ZNF737: variants seen among roughly 807,000 people sequenced by gnomAD.
The protein encoded by ZNF737 is zinc finger protein 102 (Y3).
ZNF737 carries 13 observed loss-of-function variants against 11.7 expected under a neutral mutation model. That is an observed-to-expected ratio of 1.11 (90% CI 0.73 to 1.77). The LOEUF is 1.77. ZNF737 is among the 40% of genes most tolerant of loss of function. The pLI, the probability that ZNF737 is intolerant of heterozygous loss-of-function variation, is 0.00. For missense variants in ZNF737, 636 were observed against 638.0 expected (o/e 1.00, Z 0.03); for synonymous variants, 217 against 216.2 (o/e 1.00, Z -0.03).
downstream of ZNF737, chr19:20,535,866 A>AG (rs1555753740): frequency 1.9e-5 from 3 of 161,002 alleles, no homozygotes; most frequent in African/African-American, 7.2e-5. Context: ...AAAAAAAAAA[A>AG]AAAATTAAAC....
downstream of ZNF737, among the ~76,000 whole-genome samples, chr19:20,535,393 A>C (rs1213466920): frequency 6.6e-6 from 1 of 152,194 alleles, no homozygotes; most frequent in Non-Finnish European, 1.5e-5. Flanking sequence ...GAAAGAAAAT[A>C]TGGTATATAT....
chr19:20,549,032 C>T lies in ZNF737; in HGVS notation c.227-3056G>A, dbSNP rs144982098. Among the ~76,000 whole-genome samples, 445 of 141,216 alleles carry T rather than the reference C, an allele frequency of 3.2e-3. 2 individuals carry two copies. The highest frequency in any genetic ancestry group is 0.011 in the African/African-American group (431 of 37,508). 92.6% of individuals were successfully genotyped at this position (141,216 alleles called of 152,430 possible). A position where few individuals can be genotyped will look rare whatever the true frequency, so the allele number is the denominator to read the frequency against. ...TTTCAAATCATAGAAGTGTCTCTCA[C>T]AAAAGCAAATATATATTCATTGTTA... On this transcript the variant is annotated intron_variant, in intron 3 of 3. Coordinates refer to ENST00000427401, the MANE Select transcript of ZNF737 (RefSeq NM_001159293.2).
intron 3 of ZNF737, 54 bp from the exon 4 acceptor site, chr19:20,546,030 A>T (rs183341406): frequency 2.2e-4 from 326 of 1,507,526 alleles, no homozygotes; most frequent in Non-Finnish European, 2.8e-4. Flanking sequence ...AGATAAATAT[A>T]CTTTACAGAT....
chr19:20,551,885 GTGTT>G (rs1383464366), intron 3 of ZNF737, among the ~76,000 whole-genome samples: 2 of 147,052 alleles, frequency 1.4e-5, no homozygotes, highest in East Asian at 2.0e-4. Flanking sequence ...CAAAATTGCA[GTGTT>G]TTTTTTTTAC....
In ZNF737 at chr19:20,545,462, A is replaced by C. The variant is rs782206042; in HGVS notation, c.741T>G (p.His247Gln). ...AFSRFSYLTA[H>Q]KIIHSGEKPY... ...GTTTCTCTCCACTATGAATTATCTT[A>C]TGTGCAGTAAGGTATGAAAACCGGC... The change falls in exon 4 of 4, where the codon CAT (histidine) becomes CAG (glutamine). Residue 247 changes from histidine (H) to glutamine (Q), a missense_variant. His to Gln is a conservative substitution (Grantham distance 24, BLOSUM62 0). Coordinates refer to ENST00000427401, the MANE Select transcript of ZNF737 (RefSeq NM_001159293.2). 33 of 1,613,588 alleles carry C rather than the reference A, an allele frequency of 2.0e-5. No homozygotes were observed. The highest frequency in any genetic ancestry group is 4.0e-5 in the African/African-American group (3 of 74,920).
At chr19:20,532,555 G>A (rs33947), downstream of ZNF737, among the ~76,000 whole-genome samples, 94,106 of 149,008 alleles carry the variant, frequency 0.63, 32,772 homozygotes, top group African/African-American at 0.83. Flanking sequence ...AGGTAAATCA[G>A]TCAGCTACTG....
chr19:20,556,120 A>G (rs1968879575), intron 1 of ZNF737, among the ~76,000 whole-genome samples: 1 of 152,212 alleles, frequency 6.6e-6, no homozygotes, highest in African/African-American at 2.4e-5. Context: ...CATTTCTGCT[A>G]CAGTAATGGA....
chr19:20,552,325 T>C lies in ZNF737; in HGVS notation c.226+150A>G, dbSNP rs1327073833. The C allele has an allele frequency of 8.0e-6, 4 of 501,376 alleles. No individual in the cohort carries two copies. The African/African-American group carries it at 1.0e-4, about 13-fold the overall frequency. 31.1% of individuals were successfully genotyped at this position (501,376 alleles called of 1,614,324 possible). A position where few individuals can be genotyped will look rare whatever the true frequency, so the allele number is the denominator to read the frequency against. ...GATGCCCCTTTATAAGAGCAAAATTTAAAAAAGAAAAAAAAAAAAAAAACA... is the reference window on the plus strand; with the variant it reads ...GATGCCCCTTTATAAGAGCAAAATTCAAAAAAGAAAAAAAAAAAAAAAACA... On this transcript the variant is annotated intron_variant, in intron 3 of 3. Coordinates refer to ENST00000427401, the MANE Select transcript of ZNF737 (RefSeq NM_001159293.2).
In ZNF737 at chr19:20,539,928, T is replaced by C; in HGVS notation, c.*4664A>G. 1 of 984,102 alleles carries C rather than the reference T, an allele frequency of 1.0e-6. No homozygotes were observed. The highest frequency in any genetic ancestry group is 4.7e-5 in the South Asian group (1 of 21,178). The allele number at this position is 984,102 out of a possible 1,614,324, so 61.0% of individuals were successfully genotyped here. A position where few individuals can be genotyped will look rare whatever the true frequency, so the allele number is the denominator to read the frequency against. On this transcript the variant is annotated 3_prime_UTR_variant, in exon 4 of 4. Transcript: ENST00000427401. ...CTACAGCTTACTAAATACTGTTCCA[T>C]AATGCCAGTGAGCACTTTTACCCAG...
chr19:20,536,742 G>C (rs1555753925), downstream of ZNF737, among the ~76,000 whole-genome samples: 1 of 152,202 alleles, frequency 6.6e-6, no homozygotes, highest in Non-Finnish European at 1.5e-5. Flanking sequence ...ATCAGTTCAA[G>C]ACCAGCCTGG....
downstream of ZNF737, among the ~76,000 whole-genome samples, chr19:20,533,456 A>T (rs1967878570): frequency 6.7e-6 from 1 of 149,996 alleles, no homozygotes. Flanking sequence ...TACATGGTAG[A>T]TACATAAACA....
downstream of ZNF737, among the ~76,000 whole-genome samples, chr19:20,531,126 G>A (rs1193121451): frequency 2.0e-5 from 3 of 146,414 alleles, no homozygotes; most frequent in Non-Finnish European, 4.5e-5. Context: ...CACTCGGCAG[G>A]CTGAGGCAGG....
chr19:20,560,606 A>G (rs1267295721), intron 1 of ZNF737, among the ~76,000 whole-genome samples: 1 of 151,870 alleles, frequency 6.6e-6, no homozygotes, highest in East Asian at 1.9e-4. Flanking sequence ...CATGGAGAAA[A>G]GCCATCTCTA....
At chr19:20,555,327 C>T (rs1555760615) in intron 1 of ZNF737, among the ~76,000 whole-genome samples, 1 of 152,118 alleles carries the variant, frequency 6.6e-6, no homozygotes, top group Non-Finnish European at 1.5e-5. Flanking sequence ...GGATTGCAGG[C>T]ACCCACTGCC....
chr19:20,541,904 T>C lies in ZNF737; in HGVS notation c.*2688A>G. On this transcript the variant is annotated 3_prime_UTR_variant, in exon 4 of 4. Coordinates refer to ENST00000427401, the MANE Select transcript of ZNF737 (RefSeq NM_001159293.2). ...TTACCATAATGTAATTACTACATAT[T>C]GTAGGCCTGAGTCAAAAGATGCCAT... 2.1e-6 allele frequency: 1 copy of C among 486,712 alleles called. No individual in the cohort carries two copies. Among genetic ancestry groups the C allele is most frequent in the South Asian group, 8.9e-5 (1 of 11,174 alleles). The allele number at this position is 486,712 out of a possible 1,614,324, so 30.1% of individuals were successfully genotyped here. A position where few individuals can be genotyped will look rare whatever the true frequency, so the allele number is the denominator to read the frequency against.
intron 3 of ZNF737, among the ~76,000 whole-genome samples, chr19:20,548,509 A>G (rs575744491): frequency 1.4e-4 from 22 of 152,314 alleles, no homozygotes; most frequent in Admixed American, 3.3e-4. Context: ...GAGAGGGTAA[A>G]ATGAGCAGTT....
downstream of ZNF737, chr19:20,535,794 T>A: frequency 6.6e-6 from 1 of 151,330 alleles, no homozygotes; most frequent in Non-Finnish European, 1.5e-5. Context: ...CTCCAAGTGT[T>A]GGGATTACAG....
rs1411854893 is a variant in ZNF737, at chr19:20,543,947, G to T, written c.*645C>A. ...GTTCGAGACCAGCCTGGCAAACATG[G>T]CGAAGTCGCATCTCTACTAAAAATA... is the stretch of plus-strand genomic sequence containing the variant. On this transcript the variant is annotated 3_prime_UTR_variant, in exon 4 of 4. Transcript: ENST00000427401. 2.8e-6 allele frequency: 2 copies of T among 711,924 alleles called. No individual in the cohort carries two copies. The highest frequency in any genetic ancestry group is 3.4e-6 in the Non-Finnish European group (2 of 581,052). The allele number at this position is 711,924 out of a possible 1,614,324, so 44.1% of individuals were successfully genotyped here. A position where few individuals can be genotyped will look rare whatever the true frequency, so the allele number is the denominator to read the frequency against.
chr19:20,537,480 G>A (rs1338845021), downstream of ZNF737, among the ~76,000 whole-genome samples: 13 of 146,536 alleles, frequency 8.9e-5, no homozygotes, highest in East Asian at 2.7e-3. Flanking sequence ...GACATTACAG[G>A]CGCGAGCCAC....
Sources: gnomAD v4.1 joint callset for allele counts (sites outside exome capture counted in the v4.1 genomes callset) on GRCh38, gnomAD v4.1.1 for gene constraint, MANE v1.5 for transcripts, NCBI Gene and HGNC (gene_info 2026-07-23, HGNC 2026-07-21) for gene names.